Variants in CFAP90 observed in about 807,000 individuals in gnomAD.
CFAP90 encodes the protein cilia- and flagella-associated protein 90.
At chr5:7,842,832 G>T in the CFAP90 span, among the ~76,000 whole-genome samples, 1 of 152,172 alleles carries the variant, frequency 6.6e-6, no homozygotes, top group African/African-American at 2.4e-5. Context: ...TTTCTGTGGT[G>T]TAAATACTTC....
chr5:7,835,380 A>G, the CFAP90 span: 7 of 1,508,088 alleles, frequency 4.6e-6, no homozygotes, highest in Non-Finnish European at 6.4e-6. Flanking sequence ...TCTTAATATT[A>G]CCTCTTCGTT....
the CFAP90 span, among the ~76,000 whole-genome samples, chr5:7,850,448 G>A: frequency 2.0e-4 from 31 of 151,768 alleles, no homozygotes; most frequent in East Asian, 2.0e-3. Flanking sequence ...GCCCCTCCCA[G>A]GGCCCCTCCT....
At chr5:7,850,826 GCC>G in the CFAP90 span, 1 of 729,642 alleles carries the variant, frequency 1.4e-6, no homozygotes, top group Non-Finnish European at 1.8e-6. Context: ...CCGCCCAGCC[GCC>G]CAGCCGCCCA....
chr5:7,849,051 T>C, the CFAP90 span, among the ~76,000 whole-genome samples: 2 of 152,242 alleles, frequency 1.3e-5, no homozygotes, highest in Non-Finnish European at 2.9e-5. Context: ...CCAGTCATAC[T>C]GGAATAGGGC....
the CFAP90 span, among the ~76,000 whole-genome samples, chr5:7,837,578 A>G: frequency 6.6e-6 from 1 of 152,138 alleles, no homozygotes; most frequent in Admixed American, 6.6e-5. Flanking sequence ...GGAACTTGGC[A>G]CTCTGGCCAG....
chr5:7,833,686 C>A, the CFAP90 span, among the ~76,000 whole-genome samples: 1 of 152,134 alleles, frequency 6.6e-6, no homozygotes, highest in Non-Finnish European at 1.5e-5. Context: ...TACACATATA[C>A]ACATACAGTC....
the CFAP90 span, among the ~76,000 whole-genome samples, chr5:7,845,718 C>T: frequency 6.6e-6 from 1 of 152,080 alleles, no homozygotes; most frequent in Non-Finnish European, 1.5e-5. Flanking sequence ...GCCGCAGGAA[C>T]CATATTTTAT....
the CFAP90 span, among the ~76,000 whole-genome samples, chr5:7,838,414 T>C: frequency 6.6e-6 from 1 of 152,236 alleles, no homozygotes; most frequent in African/African-American, 2.4e-5. Flanking sequence ...CAGAAGCTAA[T>C]TTGCTGCTGG....
At chr5:7,835,445 A>T in the CFAP90 span, 1 of 1,606,498 alleles carries the variant, frequency 6.2e-7, no homozygotes, top group African/African-American at 1.3e-5. Context: ...GCAACTTCTG[A>T]TCATAATCTA....
the CFAP90 span, among the ~76,000 whole-genome samples, chr5:7,850,270 T>A: frequency 6.6e-6 from 1 of 151,694 alleles, no homozygotes; most frequent in South Asian, 2.1e-4. Flanking sequence ...CGCGCCCCCT[T>A]CATCTCCGCA....
At chr5:7,846,879 T>C in the CFAP90 span, among the ~76,000 whole-genome samples, 2 of 152,168 alleles carry the variant, frequency 1.3e-5, no homozygotes, top group Non-Finnish European at 2.9e-5. Context: ...CCCGAGTAGC[T>C]GAGACTAGAG....
At chr5:7,843,886 T>G in the CFAP90 span, among the ~76,000 whole-genome samples, 5 of 152,166 alleles carry the variant, frequency 3.3e-5, no homozygotes, top group African/African-American at 1.2e-4. Context: ...GATCTGTGTG[T>G]GAATATGTTC....
chr5:7,834,279 T>C, the CFAP90 span, among the ~76,000 whole-genome samples: 4 of 152,044 alleles, frequency 2.6e-5, no homozygotes, highest in African/African-American at 7.3e-5. Context: ...GTTTGTGTCT[T>C]AGTTTTTAAC....
the CFAP90 span, chr5:7,831,734 G>A: frequency 9.8e-7 from 1 of 1,022,456 alleles, no homozygotes; most frequent in Non-Finnish European, 1.4e-6. Flanking sequence ...CACAGGCATA[G>A]CCAAGCTCCT....
At chr5:7,847,246 G>C in the CFAP90 span, among the ~76,000 whole-genome samples, 1 of 152,094 alleles carries the variant, frequency 6.6e-6, no homozygotes, top group Admixed American at 6.5e-5. Flanking sequence ...TTGTTTCGAG[G>C]CTGTTTTAAT....
chr5:7,833,337 CAT>C, the CFAP90 span, among the ~76,000 whole-genome samples: 64 of 151,468 alleles, frequency 4.2e-4, no homozygotes, highest in Non-Finnish European at 7.4e-4. Context: ...AATATACACA[CAT>C]GTGCATGATA....
the CFAP90 span, among the ~76,000 whole-genome samples, chr5:7,839,438 G>T: frequency 6.6e-6 from 1 of 152,180 alleles, no homozygotes; most frequent in South Asian, 2.1e-4. Context: ...GCCCCCACTG[G>T]GGTGCTTGGA....
chr5:7,838,859 A>C, the CFAP90 span, among the ~76,000 whole-genome samples: 4 of 152,180 alleles, frequency 2.6e-5, no homozygotes, highest in Non-Finnish European at 5.9e-5. Flanking sequence ...CCTTGTGGCA[A>C]AGTGGTGTTG....
chr5:7,834,935 A>G, the CFAP90 span, among the ~76,000 whole-genome samples: 1 of 152,172 alleles, frequency 6.6e-6, no homozygotes, highest in Non-Finnish European at 1.5e-5. Context: ...GCATGACTGT[A>G]CATACACCCC....
Sources: allele counts gnomAD v4.1 joint callset (sites outside exome capture counted in the v4.1 genomes callset), GRCh38; gene constraint gnomAD v4.1.1; transcripts MANE v1.5; gene names NCBI Gene and HGNC (gene_info 2026-07-23, HGNC 2026-07-21).